PCDH15: variants seen among roughly 807,000 people sequenced by gnomAD.
PCDH15 encodes the protein protocadherin-15.
PCDH15 carries 129 observed loss-of-function variants against 178.5 expected under a neutral mutation model. The ratio of observed to expected loss-of-function variants is 0.72; its 90% CI spans 0.63 to 0.84. The LOEUF (loss-of-function observed/expected upper bound fraction) is 0.84. Among genes scored for constraint, PCDH15 ranks in the 40% least tolerant of loss-of-function variants. PCDH15 has a pLI of 0.00. For synonymous variants in PCDH15, 800 were observed against 732.0 expected (o/e 1.09, Z -1.50); for missense variants, 2,230 against 2,099.9 (o/e 1.06, Z -1.21).
In PCDH15 at chr10:53,809,771, A is replaced by ATATT. The variant is rs554271352; in HGVS notation, c.4671+781_4671+784dup. Among the ~76,000 whole-genome samples the ATATT allele has an allele frequency of 2.0e-3, 298 of 152,318 alleles. No homozygotes were observed. In the Middle Eastern group the frequency reaches 0.027, roughly 14 times the overall value. ...AGCTTGTACTTTACAATACCCAAAT[A>ATATT]TATTAATTTCCTTCTTGTTACTCAA... On this transcript the variant is annotated intron_variant, in intron 37 of 37. Transcript: ENST00000644397.
intron 2 of PCDH15, among the ~76,000 whole-genome samples, chr10:55,150,394 G>A (rs1047790103): frequency 3.9e-5 from 6 of 152,044 alleles, no homozygotes; most frequent in African/African-American, 1.4e-4. Flanking sequence ...TTTGGCACCA[G>A]CAAAGTCAAA....
intron 2 of PCDH15, among the ~76,000 whole-genome samples, chr10:55,026,036 A>T (rs938377956): frequency 6.6e-6 from 1 of 152,052 alleles, no homozygotes; most frequent in African/African-American, 2.4e-5. Context: ...AAATATTAAA[A>T]GTGAGAGATA....
intron 3 of PCDH15, among the ~76,000 whole-genome samples, chr10:54,462,512 C>CTTTTTTTTTTTTTT (rs562731025): frequency 6.0e-5 from 4 of 66,884 alleles, no homozygotes; most frequent in Admixed American, 2.3e-4. Flanking sequence ...TTTTTCTTTT[C>CTTTTTTTTTTTTTT]TTTTTTTTTT....
At chr10:53,957,501 A>ATTTT (rs1242524787) in intron 23 of PCDH15, among the ~76,000 whole-genome samples, 14 of 57,098 alleles carry the variant, frequency 2.5e-4, no homozygotes, top group African/African-American at 7.9e-4. Flanking sequence ...TATATTTACT[A>ATTTT]TGTTTTTTTT....
intron 3 of PCDH15, among the ~76,000 whole-genome samples, chr10:54,496,144 G>A (rs1036837758): frequency 5.3e-5 from 8 of 152,084 alleles, no homozygotes; most frequent in South Asian, 2.1e-4. Flanking sequence ...TGTTACCTGC[G>A]ACTCAATATG....
chr10:54,539,458 T>C (rs772377290), intron 2 of PCDH15, among the ~76,000 whole-genome samples: 3 of 152,202 alleles, frequency 2.0e-5, no homozygotes, highest in Non-Finnish European at 2.9e-5. Context: ...ATATGCAATA[T>C]TAGAGCATCC....
chr10:54,755,598 T>C (rs1333736113), intron 1 of PCDH15, among the ~76,000 whole-genome samples: 1 of 152,122 alleles, frequency 6.6e-6, no homozygotes, highest in Non-Finnish European at 1.5e-5. Context: ...AAGATACATC[T>C]TCTTATGATA....
intron 2 of PCDH15, among the ~76,000 whole-genome samples, chr10:55,074,565 TG>T (rs1441930050): frequency 6.6e-6 from 1 of 152,120 alleles, no homozygotes; most frequent in South Asian, 2.1e-4. Flanking sequence ...GGGTTGTTTA[TG>T]GGGGTTTTTT....
chr10:54,344,819 C>G (rs1297772236), intron 6 of PCDH15, among the ~76,000 whole-genome samples: 1 of 145,312 alleles, frequency 6.9e-6, no homozygotes, highest in South Asian at 2.2e-4. Context: ...TCATACTGTC[C>G]TTCTCTGTCA....
At chr10:55,264,055 G>T (rs1842218510) in intron 1 of PCDH15, among the ~76,000 whole-genome samples, 1 of 152,108 alleles carries the variant, frequency 6.6e-6, no homozygotes, top group Non-Finnish European at 1.5e-5. Flanking sequence ...TTCTAAGTGA[G>T]GGGGCTCCCC....
chr10:55,130,680 CGTGTGTGTGTGTGTGTGTGTGTGT>C (rs72055158), intron 2 of PCDH15, among the ~76,000 whole-genome samples: 2 of 146,236 alleles, frequency 1.4e-5, no homozygotes, highest in African/African-American at 5.1e-5. Flanking sequence ...CACACATACA[CGTGTGTGTGTGTGTGTGTGTGTGT>C]GTGTGTGTGT....
chr10:54,463,759 T>C (rs2077342815), intron 3 of PCDH15, among the ~76,000 whole-genome samples: 1 of 151,978 alleles, frequency 6.6e-6, no homozygotes, highest in African/African-American at 2.4e-5. Context: ...TCATTAAATG[T>C]GTGCTGTTGT....
chr10:54,111,383 A>G (rs2095020545), intron 15 of PCDH15, among the ~76,000 whole-genome samples: 1 of 152,204 alleles, frequency 6.6e-6, no homozygotes, highest in Non-Finnish European at 1.5e-5. Context: ...CTTTAGAAAA[A>G]CAGAATAGTT....
chr10:54,786,641 T>C (rs946815568), intron 1 of PCDH15, among the ~76,000 whole-genome samples: 4 of 151,956 alleles, frequency 2.6e-5, no homozygotes, highest in Admixed American at 1.3e-4. Flanking sequence ...TACGTTTTTA[T>C]TAAAGCAGAA....
At chr10:55,275,239 AT>A (rs1374169636) in intron 1 of PCDH15, among the ~76,000 whole-genome samples, 1 of 152,074 alleles carries the variant, frequency 6.6e-6, no homozygotes, top group African/African-American at 2.4e-5. Context: ...ACTTTCATCA[AT>A]CATAACTTTT....
chr10:53,817,875 T>A, intron 34 of PCDH15, 120 bp downstream of exon 34: 1 of 396,148 alleles, frequency 2.5e-6, no homozygotes, highest in Non-Finnish European at 4.5e-6. Context: ...AACATACTAA[T>A]ATGTTTTTGC....
At chr10:54,837,001 C>G (rs148124424) in intron 3 of PCDH15, among the ~76,000 whole-genome samples, 2 of 151,608 alleles carry the variant, frequency 1.3e-5, no homozygotes, top group Non-Finnish European at 2.9e-5. Flanking sequence ...AAGAACAAAA[C>G]GAAGAATATT....
intron 15 of PCDH15, among the ~76,000 whole-genome samples, chr10:54,115,713 C>A (rs531203703): frequency 6.6e-6 from 1 of 152,282 alleles, no homozygotes; most frequent in African/African-American, 2.4e-5. Flanking sequence ...CTGCTTTCTT[C>A]CCCTCCCTTC....
At chr10:55,538,464 T>C (rs1450862756) in intron 2 of PCDH15, among the ~76,000 whole-genome samples, 6 of 139,818 alleles carry the variant, frequency 4.3e-5, no homozygotes, top group Non-Finnish European at 6.2e-5. Context: ...TTTCCTTCCT[T>C]CCTCCCTCCC....
Sources: gnomAD v4.1 joint callset for allele counts (sites outside exome capture counted in the v4.1 genomes callset) on GRCh38, gnomAD v4.1.1 for gene constraint, MANE v1.5 for transcripts, NCBI Gene and HGNC (gene_info 2026-07-23, HGNC 2026-07-21) for gene names.